The following TBCD variants were observed in gnomAD, a reference collection of about 807,000 sequenced individuals.
TBCD encodes tubulin-specific chaperone D.
TBCD carries 105 observed loss-of-function variants against 169.3 expected under a neutral mutation model. The observed-to-expected ratio is 0.62, with a 90% confidence interval of 0.53 to 0.73. The LOEUF (loss-of-function observed/expected upper bound fraction) is 0.73. TBCD is among the 30% of genes least tolerant of loss of function. The pLI is 0.00. For missense variants in TBCD, 1,444 were observed against 1,600.1 expected, an observed-to-expected ratio of 0.90 and a Z score of 1.66; for synonymous variants, 700 against 643.9, an observed-to-expected ratio of 1.09 and a Z score of -1.32.
At chr17:82,883,694 C>T (rs1020351719) in intron 14 of TBCD, among the ~76,000 whole-genome samples, 1 of 152,230 alleles carries the variant, frequency 6.6e-6, no homozygotes, top group Non-Finnish European at 1.5e-5. Context: ...ACCTGGACAG[C>T]CCCTGCCCCG....
chr17:82,820,584 CTTG>C (rs1451526671), intron 13 of TBCD, among the ~76,000 whole-genome samples: 3 of 152,000 alleles, frequency 2.0e-5, no homozygotes, highest in Admixed American at 2.0e-4. Flanking sequence ...TTGTGGGACT[CTTG>C]TTATGTTAAT....
chr17:82,787,089 T>A (rs1361050287), intron 7 of TBCD, among the ~76,000 whole-genome samples: 1 of 152,134 alleles, frequency 6.6e-6, no homozygotes, highest in Admixed American at 6.5e-5. Flanking sequence ...TGGAGAGACA[T>A]TCGTTTTTCC....
intron 17 of TBCD, among the ~76,000 whole-genome samples, chr17:82,895,638 G>A (rs2059421279): frequency 1.3e-5 from 2 of 152,282 alleles, no homozygotes; most frequent in South Asian, 2.1e-4. Flanking sequence ...GCCCGCTGGA[G>A]GAAGGTGGGA....
intron 13 of TBCD, among the ~76,000 whole-genome samples, chr17:82,857,860 T>A (rs1160856496): frequency 2.0e-5 from 3 of 151,990 alleles, no homozygotes; most frequent in African/African-American, 7.2e-5. Flanking sequence ...TGTATACATG[T>A]GCCATGCTGC....
At chr17:82,900,190 C>T (rs1168795008) in intron 17 of TBCD, among the ~76,000 whole-genome samples, 4 of 152,182 alleles carry the variant, frequency 2.6e-5, no homozygotes, top group Non-Finnish European at 2.9e-5. Context: ...TTGTAATTCC[C>T]GCCTCGGTCC....
At position 82,782,875 on chromosome 17, in the gene TBCD, TGTCTTCCTGTC is replaced by T. The variant is rs1371579630; in HGVS notation, c.771+1155_771+1165del. 6.6e-6 allele frequency among the ~76,000 whole-genome samples: 1 copy of T among 150,426 alleles called. No homozygotes were observed. The highest frequency in any genetic ancestry group is 2.0e-4 in the East Asian group (1 of 5,126). ...AGAGGCGTCCTCATGTCCTCAGTGT[TGTCTTCCTGTC>T]CATGGCGTTGTCTTCCTGTCTGCGG... On this transcript the variant is annotated intron_variant, in intron 7 of 38. Transcript: ENST00000355528. This position sits in a 1 kb window ranked among gnomAD's most constrained non-coding sequence, Gnocchi z 5.1.
chr17:82,772,012 T>C (rs959235641), intron 5 of TBCD, among the ~76,000 whole-genome samples: 1 of 152,150 alleles, frequency 6.6e-6, no homozygotes, highest in Non-Finnish European at 1.5e-5. Context: ...AATAACTAGG[T>C]ATTTGTAGTA....
chr17:82,830,788 G>T, intron 13 of TBCD: 1 of 1,613,648 alleles, frequency 6.2e-7, no homozygotes, highest in Non-Finnish European at 8.5e-7. Flanking sequence ...GCCCATCCCG[G>T]AGCTGTCGTC....
rs954581345 is a variant in TBCD at position 82,756,885 on chromosome 17, T to C, written c.235+670T>C. 2.6e-5 allele frequency among the ~76,000 whole-genome samples: 4 copies of C among 152,238 alleles called. No individual in the cohort carries two copies. In the East Asian group the frequency reaches 7.7e-4, roughly 29 times the overall value. On this transcript the variant is annotated intron_variant, in intron 2 of 38. Coordinates refer to ENST00000355528, the MANE Select transcript of TBCD (RefSeq NM_005993.5). ...AGGGTCAGGTGTTTTACATGGGTCA[T>C]CATTTAATCCTCACAGCAGCTAAGG...
chr17:82,925,824 C>T (rs934993453), intron 27 of TBCD, among the ~76,000 whole-genome samples: 3 of 152,328 alleles, frequency 2.0e-5, no homozygotes, highest in Non-Finnish European at 4.4e-5. Context: ...GTCAATACCC[C>T]AGGTCTCAGC....
intron 13 of TBCD, chr17:82,830,792 T>C: frequency 1.2e-6 from 2 of 1,613,572 alleles, no homozygotes; most frequent in Non-Finnish European, 1.7e-6. Context: ...ATCCCGGAGC[T>C]GTCGTCCGGA....
At chr17:82,792,194 G>A (rs1354987120) in intron 7 of TBCD, among the ~76,000 whole-genome samples, 2 of 152,010 alleles carry the variant, frequency 1.3e-5, no homozygotes, top group African/African-American at 2.4e-5. Context: ...TGTAGTCCCA[G>A]CGACTCGGGA....
intron 2 of TBCD, among the ~76,000 whole-genome samples, chr17:82,763,575 TACTA>T (rs1389017773): frequency 6.6e-6 from 1 of 152,074 alleles, no homozygotes; most frequent in Non-Finnish European, 1.5e-5. Flanking sequence ...ACCCCGTCTC[TACTA>T]AAAATACAAA....
chr17:82,781,796 C>G, intron 7 of TBCD, 75 bp downstream of exon 7: 1 of 1,572,618 alleles, frequency 6.4e-7, no homozygotes, highest in Non-Finnish European at 8.6e-7. Flanking sequence ...AATGATGTTA[C>G]CTGTGATTCC....
At chr17:82,935,847 C>A (rs146466774) in intron 34 of TBCD, among the ~76,000 whole-genome samples, 2 of 152,236 alleles carry the variant, frequency 1.3e-5, no homozygotes, top group Admixed American at 6.5e-5. Context: ...GGGACCCCCC[C>A]CATCGGGGTT....
intron 14 of TBCD, among the ~76,000 whole-genome samples, chr17:82,878,971 CACTA>C (rs1461212748): frequency 1.3e-5 from 2 of 151,446 alleles, no homozygotes; most frequent in Admixed American, 6.6e-5. Context: ...TATAATCTAA[CACTA>C]ACTATTGTTA....
In TBCD at chr17:82,829,307, A is replaced by AC. The variant is rs3834573; in HGVS notation, c.1318+14381dup. ...CACACCCACATGGGCGAATGTGCACACCCCCCCCACACAGATAGCACACGT... is the reference window on the plus strand; with the variant it reads ...CACACCCACATGGGCGAATGTGCACACCCCCCCCCACACAGATAGCACACGT... On this transcript the variant is annotated intron_variant, in intron 13 of 38. Coordinates refer to ENST00000355528, the MANE Select transcript of TBCD (RefSeq NM_005993.5). The AC allele has an allele frequency of 3.8e-3, 568 of 149,828 alleles. 5 individuals are homozygous for AC. The highest frequency in any genetic ancestry group is 0.012 in the African/African-American group (476 of 39,698). 9.3% of individuals were successfully genotyped at this position (149,828 alleles called of 1,614,324 possible).
chr17:82,819,134 G>A (rs2052188782), intron 13 of TBCD, among the ~76,000 whole-genome samples: 1 of 152,238 alleles, frequency 6.6e-6, no homozygotes, highest in Non-Finnish European at 1.5e-5. Context: ...AGATGAGCAT[G>A]TTTGATGACT....
chr17:82,889,797 ATGTGG>A lies in TBCD; in HGVS notation c.1563+106_1563+110del. The A allele has an allele frequency of 7.1e-7, 1 of 1,404,036 alleles. No individual in the cohort carries two copies. Among genetic ancestry groups the A allele is most frequent in the Non-Finnish European group, 9.9e-7 (1 of 1,010,424 alleles). The allele number at this position is 1,404,036 out of a possible 1,614,324, so 87.0% of individuals were successfully genotyped here. ...CCCTGGTGTCTTCTCGCACTGTGAG[ATGTGG>A]TGTGGCTACATCAATGCCAGGGTCA... On this transcript the variant is annotated intron_variant, in intron 16 of 38. Transcript: ENST00000355528. This position sits in a 1 kb window ranked among gnomAD's most constrained non-coding sequence, Gnocchi z 5.3.
Sources: allele counts gnomAD v4.1 joint callset (sites outside exome capture counted in the v4.1 genomes callset), GRCh38; gene constraint gnomAD v4.1.1; non-coding constraint Gnocchi (gnomAD v3.1); transcripts MANE v1.5; gene names NCBI Gene and HGNC (gene_info 2026-07-23, HGNC 2026-07-21).